Variants in ADAMTS19 observed in about 807,000 individuals in gnomAD.
ADAMTS19 encodes the protein ADAM metallopeptidase with thrombospondin type 1 motif 19.
ADAMTS19 carries 93 observed loss-of-function variants against 153.3 expected under a neutral mutation model. That is an observed-to-expected ratio of 0.61 (90% CI 0.51 to 0.72). The LOEUF (loss-of-function observed/expected upper bound fraction) is 0.72. Ranked by LOEUF, ADAMTS19 falls within the 30% of genes least tolerant of loss-of-function variation. The pLI is 0.00. For missense variants in ADAMTS19, 1,482 were observed against 1,552.1 expected (o/e 0.95, Z 0.76); for synonymous variants, 600 against 556.6 (o/e 1.08, Z -1.10).
intron 2 of ADAMTS19, among the ~76,000 whole-genome samples, chr5:129,498,523 G>A (rs1053457542): frequency 6.6e-6 from 1 of 151,638 alleles, no homozygotes; most frequent in Non-Finnish European, 1.5e-5. Flanking sequence ...AATATGTTTT[G>A]CTGTGACATA....
intron 10 of ADAMTS19, among the ~76,000 whole-genome samples, chr5:129,633,519 A>G (rs1167568282): frequency 6.6e-6 from 1 of 152,030 alleles, no homozygotes; most frequent in Non-Finnish European, 1.5e-5. Context: ...ACATTTTTTC[A>G]TTTATTTTCT....
At chr5:129,517,667 T>C (rs140681110) in intron 3 of ADAMTS19, among the ~76,000 whole-genome samples, 3 of 152,158 alleles carry the variant, frequency 2.0e-5, no homozygotes, top group Non-Finnish European at 2.9e-5. Flanking sequence ...TTTCAGTCTA[T>C]ATGTCTCTTT....
At position 129,550,054 on chromosome 5, in the gene ADAMTS19, ATATGTATG is replaced by A. The variant is rs199841178; in HGVS notation, c.1329-1806_1329-1799del. ...TAGATATACATATACATGTATCTGT[ATATGTATG>A]TATCTAGATATACATATACATGTAT... On this transcript the variant is annotated intron_variant, in intron 6 of 22. Coordinates refer to ENST00000274487, the MANE Select transcript of ADAMTS19 (RefSeq NM_133638.6). Among the ~76,000 whole-genome samples the A allele has an allele frequency of 2.2e-3, 176 of 80,176 alleles. 1 individual carries two copies. The highest frequency in any genetic ancestry group is 6.4e-3 in the African/African-American group (145 of 22,662). The allele number at this position is 80,176 out of a possible 152,430, so 52.6% of individuals were successfully genotyped here. A position where few individuals can be genotyped will look rare whatever the true frequency, so the allele number is the denominator to read the frequency against.
intron 7 of ADAMTS19, among the ~76,000 whole-genome samples, chr5:129,587,084 A>G (rs1267254655): frequency 6.6e-6 from 1 of 152,056 alleles, no homozygotes; most frequent in East Asian, 1.9e-4. Flanking sequence ...GAAACTATTT[A>G]TCTCTCCTCC....
In ADAMTS19 at chr5:129,528,631, TG is replaced by T; in HGVS notation, c.1288del (p.Glu430LysfsTer3). ...NDIHLEMSTNWGEDMTSVDAA... is the reference protein window; with the variant it reads ...NDIHLEMSTNXGEDMTSVDAA... ...TATACATTTAGAGATGTCAACAAAC[TG>T]GGGGGAAGACATGACTTCAGTGGAT... On this transcript the variant is annotated frameshift_variant, in exon 6 of 23. Transcript: ENST00000274487. LOFTEE classifies it high-confidence loss of function. 6.2e-7 allele frequency: 1 copy of T among 1,604,190 alleles called. No individual in the cohort carries two copies. The highest frequency in any genetic ancestry group is 1.7e-5 in the Admixed American group (1 of 57,914).
intron 10 of ADAMTS19, among the ~76,000 whole-genome samples, chr5:129,636,918 C>A (rs1411566928): frequency 1.3e-5 from 2 of 152,094 alleles, no homozygotes; most frequent in Non-Finnish European, 2.9e-5. Flanking sequence ...AACTTTGGGG[C>A]AGATCTATAG....
At chr5:129,530,409 G>C (rs1156395510) in intron 6 of ADAMTS19, among the ~76,000 whole-genome samples, 1 of 152,120 alleles carries the variant, frequency 6.6e-6, no homozygotes, top group Non-Finnish European at 1.5e-5. Flanking sequence ...GCACATCATA[G>C]GAAAATTGCT....
At chr5:129,654,193 AT>A (rs1753439606) in intron 13 of ADAMTS19, 112 bp from the exon 14 acceptor site, 6 of 997,130 alleles carry the variant, frequency 6.0e-6, no homozygotes, top group Non-Finnish European at 8.5e-6. Flanking sequence ...ACATTACTTA[AT>A]TAGCATTGAA....
intron 10 of ADAMTS19, among the ~76,000 whole-genome samples, chr5:129,634,923 TTAAAC>T (rs1489876945): frequency 3.3e-5 from 5 of 151,580 alleles, no homozygotes; most frequent in Admixed American, 6.6e-5. Flanking sequence ...TGGGATCTAA[TTAAAC>T]TAAAGAGCTT....
intron 7 of ADAMTS19, among the ~76,000 whole-genome samples, chr5:129,576,789 C>T (rs1754119489): frequency 6.6e-6 from 1 of 152,042 alleles, no homozygotes; most frequent in Admixed American, 6.6e-5. Context: ...GATTTGGTGG[C>T]CAACCATGCA....
At chr5:129,632,489 A>G (rs1050443019) in intron 10 of ADAMTS19, among the ~76,000 whole-genome samples, 1 of 151,870 alleles carries the variant, frequency 6.6e-6, no homozygotes, top group Admixed American at 6.6e-5. Context: ...TTTTAGCTTG[A>G]TATTTACCCT....
intron 10 of ADAMTS19, among the ~76,000 whole-genome samples, chr5:129,630,361 GACTT>G (rs541023763): frequency 9.9e-5 from 15 of 152,174 alleles, no homozygotes; most frequent in African/African-American, 3.6e-4. Context: ...CATGATTTAA[GACTT>G]ACAAAGCTGC....
At chr5:129,535,233 A>G (rs1752370556) in intron 6 of ADAMTS19, among the ~76,000 whole-genome samples, 1 of 152,208 alleles carries the variant, frequency 6.6e-6, no homozygotes, top group South Asian at 2.1e-4. Context: ...ATACAAAATC[A>G]ATGTGCAAAA....
intron 10 of ADAMTS19, among the ~76,000 whole-genome samples, chr5:129,635,453 T>G (rs1752492035): frequency 6.6e-6 from 1 of 152,146 alleles, no homozygotes; most frequent in Non-Finnish European, 1.5e-5. Flanking sequence ...GACACATGCA[T>G]GTATGTGTTT....
intron 7 of ADAMTS19, among the ~76,000 whole-genome samples, chr5:129,569,888 A>G (rs1753836399): frequency 6.6e-6 from 1 of 152,020 alleles, no homozygotes; most frequent in Non-Finnish European, 1.5e-5. Context: ...TCAATAATCT[A>G]AGAATCTACC....
Position 129,654,304 on chromosome 5 carries a change from A to G in ADAMTS19, c.2177-2A>G. On this transcript the variant is annotated splice_acceptor_variant, in intron 13 of 22. Transcript: ENST00000274487. LOFTEE classifies it high-confidence loss of function. ...ATTTCTTTTTATCTACTCTGTATGT[A>G]GAAAAACCATGTGCCTTGTTTTGCT... 1 of 1,605,156 alleles carries G rather than the reference A, an allele frequency of 6.2e-7. No individual in the cohort carries two copies.
intron 8 of ADAMTS19, among the ~76,000 whole-genome samples, chr5:129,611,037 C>T (rs933710720): frequency 3.3e-5 from 5 of 152,094 alleles, no homozygotes; most frequent in Non-Finnish European, 7.4e-5. Context: ...TGTCTGATGG[C>T]CAGTGATGAT....
Position 129,587,908 on chromosome 5 carries a change from A to G in ADAMTS19, c.1373-8651A>G, listed in dbSNP as rs1001998564. Among the ~76,000 whole-genome samples the G allele has an allele frequency of 1.6e-4, 25 of 152,266 alleles. No individual in the cohort carries two copies. The East Asian group carries it at 3.1e-3, about 19-fold the overall frequency. On this transcript the variant is annotated intron_variant, in intron 7 of 22. Coordinates refer to ENST00000274487, the MANE Select transcript of ADAMTS19 (RefSeq NM_133638.6). ...TAGTTCTTGCTAAAAATCAGCAAAT[A>G]CTAACAGGGAAAAAGTGCCTTTAGT...
intron 2 of ADAMTS19, among the ~76,000 whole-genome samples, chr5:129,472,679 A>G (rs2126654078): frequency 6.6e-6 from 1 of 152,180 alleles, no homozygotes; most frequent in East Asian, 1.9e-4. Context: ...AATAGAAGTA[A>G]GTAGTTTCAG....
Sources: gnomAD v4.1 joint callset for allele counts (sites outside exome capture counted in the v4.1 genomes callset) on GRCh38, gnomAD v4.1.1 for gene constraint, MANE v1.5 for transcripts, NCBI Gene and HGNC (gene_info 2026-07-23, HGNC 2026-07-21) for gene names.